RTL4: variants seen among roughly 807,000 people sequenced by gnomAD.
The protein encoded by RTL4 is retrotransposon Gag-like protein 4.
Under a neutral mutation model 5.3 loss-of-function variants are expected in RTL4, and 4 were observed. The ratio of observed to expected loss-of-function variants is 0.75; its 90% CI spans 0.37 to 1.72. The LOEUF is 1.72. RTL4 is among the 40% of genes most tolerant of loss of function. The pLI is 0.04. For missense variants in RTL4, 260 were observed against 227.1 expected (o/e 1.14, Z -0.93); for synonymous variants, 98 against 87.3 (o/e 1.12, Z -0.68).
At chrX:112,364,425 T>C in the RTL4 span, among the ~76,000 whole-genome samples, 1 of 111,950 alleles carries the variant, frequency 8.9e-6, no homozygotes, top group African/African-American at 3.2e-5. Flanking sequence ...TATATAACCA[T>C]TCTGAAAGTC....
At chrX:112,096,896 G>A in the RTL4 span, among the ~76,000 whole-genome samples, 25 of 112,474 alleles carry the variant, frequency 2.2e-4, no homozygotes, top group African/African-American at 3.2e-4. Context: ...CAAAGTAAGC[G>A]TTTATTCTTT....
the RTL4 span, among the ~76,000 whole-genome samples, chrX:112,304,474 C>A: frequency 9.1e-6 from 1 of 110,216 alleles, no homozygotes; most frequent in African/African-American, 3.3e-5. Context: ...TTTTAAAGGA[C>A]CTGTTCCTGA....
the RTL4 span, among the ~76,000 whole-genome samples, chrX:112,339,109 A>G: frequency 9.0e-6 from 1 of 111,280 alleles, no homozygotes; most frequent in South Asian, 3.8e-4. Flanking sequence ...TAAAAAAAAA[A>G]TCTAGTCTGA....
the RTL4 span, among the ~76,000 whole-genome samples, chrX:112,214,932 G>C: frequency 9.1e-6 from 1 of 109,307 alleles, no homozygotes; most frequent in Non-Finnish European, 1.9e-5. Flanking sequence ...GGGACTACAC[G>C]CACCCACCAC....
the RTL4 span, among the ~76,000 whole-genome samples, chrX:112,224,391 G>T: frequency 9.3e-6 from 1 of 107,677 alleles, no homozygotes; most frequent in Non-Finnish European, 1.9e-5. Flanking sequence ...ACCCAGGCTG[G>T]AGTGCAGTGG....
At chrX:112,135,681 T>C in the RTL4 span, among the ~76,000 whole-genome samples, 1 of 110,602 alleles carries the variant, frequency 9.0e-6, no homozygotes, top group Non-Finnish European at 1.9e-5. Context: ...TTTGAGTTAG[T>C]TTTTGTATAT....
At chrX:112,117,861 C>T in the RTL4 span, among the ~76,000 whole-genome samples, 1 of 111,582 alleles carries the variant, frequency 9.0e-6, no homozygotes, top group Non-Finnish European at 1.9e-5. Context: ...TATAAATATG[C>T]AATGTGTAAT....
At chrX:112,396,746 T>A in the RTL4 span, among the ~76,000 whole-genome samples, 2 of 111,610 alleles carry the variant, frequency 1.8e-5, no homozygotes, top group African/African-American at 6.5e-5. Flanking sequence ...TCTATTGTTC[T>A]ATTTCTATTT....
At chrX:112,289,757 C>T in the RTL4 span, among the ~76,000 whole-genome samples, 3 of 93,271 alleles carry the variant, frequency 3.2e-5, no homozygotes, top group African/African-American at 4.5e-5. Context: ...CATGTGTGTA[C>T]GTGTGTGTAT....
the RTL4 span, among the ~76,000 whole-genome samples, chrX:112,354,966 T>G: frequency 9.0e-6 from 1 of 111,535 alleles, no homozygotes; most frequent in Non-Finnish European, 1.9e-5. Context: ...CAACACTTTC[T>G]ATGTTCTTAC....
chrX:112,291,192 C>T, the RTL4 span, among the ~76,000 whole-genome samples: 1 of 110,037 alleles, frequency 9.1e-6, no homozygotes, highest in Non-Finnish European at 1.9e-5. Context: ...GAAGAGGTGT[C>T]CAAGTAGGGA....
chrX:112,198,097 G>C, the RTL4 span, among the ~76,000 whole-genome samples: 969 of 111,792 alleles, frequency 8.7e-3, 12 homozygotes, highest in African/African-American at 0.03. Flanking sequence ...TGACTAAGCA[G>C]ATAATGGAGC....
the RTL4 span, among the ~76,000 whole-genome samples, chrX:112,097,561 G>A: frequency 9.0e-6 from 1 of 111,351 alleles, no homozygotes; most frequent in South Asian, 3.8e-4. Flanking sequence ...GCTTGAGCCT[G>A]TCAGGTAGAG....
chrX:112,109,428 G>C, the RTL4 span, among the ~76,000 whole-genome samples: 11 of 111,733 alleles, frequency 9.8e-5, no homozygotes, highest in South Asian at 3.8e-4. Context: ...GGTTGCTGCT[G>C]CTGGATGGGG....
the RTL4 span, among the ~76,000 whole-genome samples, chrX:112,327,602 A>T: frequency 1.7e-4 from 19 of 109,834 alleles, no homozygotes; most frequent in African/African-American, 6.3e-4. Flanking sequence ...ATCCAGGAGA[A>T]CTTCCCCAAT....
At chrX:112,109,421 T>G in the RTL4 span, among the ~76,000 whole-genome samples, 1 of 111,678 alleles carries the variant, frequency 9.0e-6, no homozygotes, top group Non-Finnish European at 1.9e-5. Flanking sequence ...CCGAGCAGGT[T>G]GCTGCTGCTG....
At chrX:112,231,147 A>G in the RTL4 span, among the ~76,000 whole-genome samples, 3 of 111,437 alleles carry the variant, frequency 2.7e-5, no homozygotes, top group Admixed American at 9.5e-5. Flanking sequence ...TAGTTCAACC[A>G]TTGTGGAAGT....
the RTL4 span, among the ~76,000 whole-genome samples, chrX:112,390,161 T>A: frequency 5.1e-3 from 203 of 39,954 alleles, 3 homozygotes; most frequent in Middle Eastern, 0.014. Context: ...ATATATATAT[T>A]TAGGATCGTG....
chrX:112,436,265 C>T, the RTL4 span, among the ~76,000 whole-genome samples: 8 of 110,507 alleles, frequency 7.2e-5, no homozygotes, highest in East Asian at 2.8e-4. Context: ...TTCTTCCTAA[C>T]GAACTTTGTT....
Sources: allele counts gnomAD v4.1 joint callset (sites outside exome capture counted in the v4.1 genomes callset), GRCh38; gene constraint gnomAD v4.1.1; transcripts MANE v1.5; gene names NCBI Gene and HGNC (gene_info 2026-07-23, HGNC 2026-07-21).